Variants in UBE2L3 observed in about 807,000 individuals in gnomAD.
UBE2L3 encodes ubiquitin-conjugating enzyme E2 L3.
In UBE2L3, 1 loss-of-function variant was observed where a neutral mutation model predicts 17.8. The observed-to-expected ratio is 0.06, with a 90% CI of 0.02 to 0.27. The LOEUF is 0.27. Among genes scored for constraint, UBE2L3 ranks in the 10% least tolerant of loss-of-function variants. The probability of loss-of-function intolerance (pLI) is 1.00; values close to 1 mark genes in which losing one functional copy is unlikely to be tolerated. For synonymous variants in UBE2L3, 44 were observed against 68.5 expected, an observed-to-expected ratio of 0.64 and a Z score of 1.76; for missense variants, 40 against 192.6, an observed-to-expected ratio of 0.21 and a Z score of 4.69.
chr22:21,595,303 T>G (rs1268813650), intron 2 of UBE2L3, among the ~76,000 whole-genome samples: 1 of 152,220 alleles, frequency 6.6e-6, no homozygotes, highest in East Asian at 1.9e-4. Context: ...TCTTCTTCCT[T>G]CTCCAGAGCA....
intron 2 of UBE2L3, among the ~76,000 whole-genome samples, chr22:21,598,026 C>T (rs538527745): frequency 1.4e-5 from 2 of 147,864 alleles, no homozygotes; most frequent in South Asian, 4.3e-4. Flanking sequence ...GTCTTGAACT[C>T]CTAGACTCAA....
chr22:21,605,367 G>A (rs1234456274), intron 2 of UBE2L3, among the ~76,000 whole-genome samples: 2 of 152,158 alleles, frequency 1.3e-5, no homozygotes, highest in Non-Finnish European at 2.9e-5. Context: ...ACAGGTGCGT[G>A]CCACCACGCC....
intron 1 of UBE2L3, among the ~76,000 whole-genome samples, chr22:21,587,392 T>C (rs1282259361): frequency 1.3e-5 from 2 of 152,168 alleles, no homozygotes; most frequent in Non-Finnish European, 1.5e-5. Flanking sequence ...GGTTTCACCA[T>C]GTGGTCTCGA....
intron 2 of UBE2L3, among the ~76,000 whole-genome samples, chr22:21,607,909 A>G (rs1929262877): frequency 6.6e-6 from 1 of 152,210 alleles, no homozygotes; most frequent in Non-Finnish European, 1.5e-5. Flanking sequence ...CTTGGCATCA[A>G]GGCAGTTATT....
chr22:21,598,211 T>TGTGTGTGTGTGTG (rs1555885650), intron 2 of UBE2L3, among the ~76,000 whole-genome samples: 2 of 98,114 alleles, frequency 2.0e-5, no homozygotes, highest in African/African-American at 6.2e-5. Flanking sequence ...GTGTGTGTGT[T>TGTGTGTGTGTGTG]TTTCATTTAT....
intron 3 of UBE2L3, chr22:21,614,675 A>G (rs1056393910): frequency 1.5e-6 from 2 of 1,346,898 alleles, no homozygotes; most frequent in Non-Finnish European, 2.0e-6. Flanking sequence ...AGTAAGCATA[A>G]TGGAAGAAAT....
chr22:21,620,610 C>T (rs1049732493), intron 3 of UBE2L3, among the ~76,000 whole-genome samples: 9 of 152,074 alleles, frequency 5.9e-5, no homozygotes, highest in East Asian at 1.9e-4. Context: ...CCCTGGGGCA[C>T]GTCTGGGCTA....
intron 2 of UBE2L3, among the ~76,000 whole-genome samples, chr22:21,600,490 G>A (rs1047244370): frequency 2.0e-5 from 3 of 151,990 alleles, no homozygotes; most frequent in Non-Finnish European, 4.4e-5. Flanking sequence ...GAGGTCGGGA[G>A]TTCAAGACCA....
At chr22:21,603,277 C>T (rs1302317606) in intron 2 of UBE2L3, among the ~76,000 whole-genome samples, 1 of 151,994 alleles carries the variant, frequency 6.6e-6, no homozygotes, top group Non-Finnish European at 1.5e-5. Flanking sequence ...CCTGTAATCC[C>T]AGCACTTTGG....
intron 1 of UBE2L3, among the ~76,000 whole-genome samples, chr22:21,557,235 T>C (rs865993794): frequency 2.0e-5 from 3 of 152,196 alleles, no homozygotes; most frequent in East Asian, 1.9e-4. Context: ...GGCATGGTGG[T>C]GCACGCCTGT....
chr22:21,571,381 G>C (rs1926953575), intron 1 of UBE2L3, among the ~76,000 whole-genome samples: 2 of 152,068 alleles, frequency 1.3e-5, no homozygotes, highest in South Asian at 2.1e-4. Context: ...GATTTAGAGG[G>C]GTGTGTGTGT....
At chr22:21,559,341 C>T (rs1399713727) in intron 1 of UBE2L3, among the ~76,000 whole-genome samples, 1 of 148,412 alleles carries the variant, frequency 6.7e-6, no homozygotes, top group African/African-American at 2.6e-5. Flanking sequence ...GAGCAAGACT[C>T]TGTCTCAAAA....
intron 2 of UBE2L3, among the ~76,000 whole-genome samples, chr22:21,606,315 A>ATGTGTGTGTG (rs145064151): frequency 6.7e-6 from 1 of 150,338 alleles, no homozygotes; most frequent in South Asian, 2.1e-4. Context: ...TGTGTGTGGT[A>ATGTGTGTGTG]TGTGTGTGTG....
intron 3 of UBE2L3, among the ~76,000 whole-genome samples, chr22:21,617,043 T>C (rs1929814936): frequency 6.7e-6 from 1 of 149,280 alleles, no homozygotes; most frequent in Non-Finnish European, 1.5e-5. Context: ...ACCCCGTCTC[T>C]ACTAAAAACA....
intron 3 of UBE2L3, 87 bp from the exon 4 acceptor site, chr22:21,621,428 A>C (rs1252918949): frequency 4.8e-5 from 69 of 1,452,104 alleles, no homozygotes; most frequent in Non-Finnish European, 6.2e-5. Context: ...TTGTAAAGCC[A>C]GAGTTTTGTT....
intron 1 of UBE2L3, among the ~76,000 whole-genome samples, chr22:21,581,819 A>T (rs1927654320): frequency 6.6e-6 from 1 of 151,220 alleles, no homozygotes; most frequent in Non-Finnish European, 1.5e-5. Context: ...AAGAAAAAAA[A>T]ATTCAGAACA....
intron 1 of UBE2L3, among the ~76,000 whole-genome samples, chr22:21,558,642 A>AC (rs1414976954): frequency 6.6e-6 from 1 of 152,034 alleles, no homozygotes; most frequent in African/African-American, 2.4e-5. Context: ...AAAAAAAAAA[A>AC]AAAAAAACAC....
At chr22:21,618,259 GA>G (rs1929880329) in intron 3 of UBE2L3, among the ~76,000 whole-genome samples, 1 of 151,772 alleles carries the variant, frequency 6.6e-6, no homozygotes, top group Non-Finnish European at 1.5e-5. Context: ...CATCTTTTGA[GA>G]AATAGGTCTT....
At chr22:21,597,768 T>C (rs1314482963) in intron 2 of UBE2L3, among the ~76,000 whole-genome samples, 3 of 146,628 alleles carry the variant, frequency 2.0e-5, no homozygotes, top group South Asian at 2.2e-4. Context: ...GATCCATTTA[T>C]ATGTAGATTT....
Sources: gnomAD v4.1 joint callset for allele counts (sites outside exome capture counted in the v4.1 genomes callset) on GRCh38, gnomAD v4.1.1 for gene constraint, MANE v1.5 for transcripts, NCBI Gene and HGNC (gene_info 2026-07-23, HGNC 2026-07-21) for gene names.